The following KCND2 variants were observed in gnomAD, a reference collection of about 807,000 sequenced individuals.
KCND2 encodes A-type voltage-gated potassium channel KCND2.
KCND2 carries 16 observed loss-of-function variants against 54.4 expected under a neutral mutation model. That is an observed-to-expected ratio of 0.29 (90% CI 0.20 to 0.45). The LOEUF is 0.45. Ranked by LOEUF, KCND2 falls within the 20% of genes least tolerant of loss-of-function variation. The pLI, the probability that KCND2 is intolerant of heterozygous loss-of-function variation, is 1.00. For missense variants in KCND2, 486 were observed against 824.2 expected (o/e 0.59, Z 5.02); for synonymous variants, 317 against 310.7 (o/e 1.02, Z -0.21).
chr7:120,630,573 G>C (rs1053920810), intron 1 of KCND2, among the ~76,000 whole-genome samples: 1 of 151,880 alleles, frequency 6.6e-6, no homozygotes, highest in African/African-American at 2.4e-5. Flanking sequence ...AGGAATTGTG[G>C]GGAAAACATA....
chr7:120,543,539 A>G (rs1792007783), intron 1 of KCND2, among the ~76,000 whole-genome samples: 1 of 152,084 alleles, frequency 6.6e-6, no homozygotes, highest in Non-Finnish European at 1.5e-5. Flanking sequence ...TTAAATACTT[A>G]AAATACTATT....
At chr7:120,618,417 A>G (rs1793055721) in intron 1 of KCND2, among the ~76,000 whole-genome samples, 2 of 152,192 alleles carry the variant, frequency 1.3e-5, no homozygotes, top group Admixed American at 1.3e-4. Context: ...TCCTAAAATA[A>G]TGTCTCTTCA....
chr7:120,694,156 C>T (rs1264314522), intron 1 of KCND2, among the ~76,000 whole-genome samples: 1 of 152,182 alleles, frequency 6.6e-6, no homozygotes, highest in Non-Finnish European at 1.5e-5. Flanking sequence ...TTTCCTAAGC[C>T]TATTTGTGTG....
At chr7:120,632,268 C>T (rs1007428820) in intron 1 of KCND2, among the ~76,000 whole-genome samples, 1 of 152,144 alleles carries the variant, frequency 6.6e-6, no homozygotes, top group Non-Finnish European at 1.5e-5. Flanking sequence ...AGCATATATG[C>T]ACACGTGCTG....
chr7:120,284,810 C>G (rs1428538797), intron 1 of KCND2, among the ~76,000 whole-genome samples: 1 of 152,092 alleles, frequency 6.6e-6, no homozygotes, highest in Non-Finnish European at 1.5e-5. Context: ...CTGGAGGGTT[C>G]CCCCATTATA....
intron 1 of KCND2, among the ~76,000 whole-genome samples, chr7:120,286,767 T>G (rs541492654): frequency 6.6e-6 from 1 of 152,230 alleles, no homozygotes; most frequent in East Asian, 1.9e-4. Flanking sequence ...CTTATGACTC[T>G]ATCAGACTTG....
intron 1 of KCND2, among the ~76,000 whole-genome samples, chr7:120,449,410 C>A (rs911170805): frequency 4.6e-5 from 7 of 152,106 alleles, no homozygotes; most frequent in Admixed American, 3.3e-4. Flanking sequence ...ACCCTACTGG[C>A]CTTTCTCTGA....
intron 1 of KCND2, among the ~76,000 whole-genome samples, chr7:120,502,949 C>T (rs1802957669): frequency 6.6e-6 from 1 of 152,056 alleles, no homozygotes; most frequent in African/African-American, 2.4e-5. Flanking sequence ...CTCAGATTTA[C>T]TTTCCTAGCT....
Position 120,744,514 on chromosome 7 carries a change from T to C in KCND2, c.1468-1266T>C, listed in dbSNP as rs1038544463. On this transcript the variant is annotated intron_variant, in intron 4 of 5. Transcript: ENST00000331113. ...ATGCATTGTAAGAGAAGGAAACAGA[T>C]TGTGAATCTTTTGTGCACCATTTTT... is the stretch of plus-strand genomic sequence containing the variant. Among the ~76,000 whole-genome samples, 6 of 152,122 alleles carry C rather than the reference T, an allele frequency of 3.9e-5. No homozygotes were observed. In the East Asian group the frequency reaches 5.8e-4, roughly 15 times the overall value.
chr7:120,350,757 C>T (rs1015706117), intron 1 of KCND2, among the ~76,000 whole-genome samples: 1 of 152,150 alleles, frequency 6.6e-6, no homozygotes, highest in Non-Finnish European at 1.5e-5. Flanking sequence ...TTTCTGTTCC[C>T]ATGATAGCCT....
At chr7:120,531,492 T>C (rs533107403) in intron 1 of KCND2, among the ~76,000 whole-genome samples, 1 of 152,136 alleles carries the variant, frequency 6.6e-6, no homozygotes, top group African/African-American at 2.4e-5. Flanking sequence ...AAACTTTCTG[T>C]AACACTCCCC....
chr7:120,583,732 C>T (rs895731844), intron 1 of KCND2, among the ~76,000 whole-genome samples: 5 of 149,484 alleles, frequency 3.3e-5, no homozygotes, highest in South Asian at 2.1e-4. Flanking sequence ...TTTGATATCT[C>T]CAAATAATCA....
At chr7:120,290,661 T>C (rs1799421243) in intron 1 of KCND2, among the ~76,000 whole-genome samples, 1 of 152,002 alleles carries the variant, frequency 6.6e-6, no homozygotes, top group South Asian at 2.1e-4. Flanking sequence ...ACCCCTACCA[T>C]TAGACATAGA....
At chr7:120,530,435 CT>C (rs1791829610) in intron 1 of KCND2, among the ~76,000 whole-genome samples, 1 of 152,154 alleles carries the variant, frequency 6.6e-6, no homozygotes, top group Admixed American at 6.5e-5. Context: ...AGAGCAGGTG[CT>C]TTCTCATTAT....
At chr7:120,692,521 C>G (rs1006380805) in intron 1 of KCND2, among the ~76,000 whole-genome samples, 4 of 152,138 alleles carry the variant, frequency 2.6e-5, no homozygotes, top group Non-Finnish European at 5.9e-5. Context: ...TCAACCTTGG[C>G]AGACTGGGTG....
chr7:120,351,244 G>GTGTATATATATATATATATATATATA (rs376321316), intron 1 of KCND2, among the ~76,000 whole-genome samples: 19 of 137,348 alleles, frequency 1.4e-4, no homozygotes, highest in African/African-American at 4.3e-4. Context: ...TTATATGTGT[G>GTGTATATATATATATATATATATATA]TATATATATA....
rs532714479 is a variant in KCND2, at chr7:120,626,558, C to G, written c.1116-106345C>G. On this transcript the variant is annotated intron_variant, in intron 1 of 5. Transcript: ENST00000331113. Reference sequence around the variant, plus strand: ...ATAGTCAATCAACACTATTTAAGTCCAACAATAGCAAAGAAAAATGACACA... The same window carrying G: ...ATAGTCAATCAACACTATTTAAGTCGAACAATAGCAAAGAAAAATGACACA... Among the ~76,000 whole-genome samples, 44 of 152,064 alleles carry G rather than the reference C, an allele frequency of 2.9e-4. 1 individual carries two copies. The highest frequency in any genetic ancestry group is 5.3e-4 in the Non-Finnish European group (36 of 67,972).
intron 1 of KCND2, among the ~76,000 whole-genome samples, chr7:120,359,870 T>G (rs1563021472): frequency 6.6e-6 from 1 of 152,212 alleles, no homozygotes; most frequent in Non-Finnish European, 1.5e-5. Context: ...TATAAGGCAG[T>G]TTTCCCTGCT....
intron 1 of KCND2, among the ~76,000 whole-genome samples, chr7:120,605,508 A>G (rs544364319): frequency 6.6e-6 from 1 of 152,332 alleles, no homozygotes; most frequent in Admixed American, 6.5e-5. Flanking sequence ...GGCTATTATG[A>G]TAAATTCTGC....
Sources: gnomAD v4.1 joint callset for allele counts (sites outside exome capture counted in the v4.1 genomes callset) on GRCh38, gnomAD v4.1.1 for gene constraint, MANE v1.5 for transcripts, NCBI Gene and HGNC (gene_info 2026-07-23, HGNC 2026-07-21) for gene names.